CEP44: variants seen among roughly 807,000 people sequenced by gnomAD.
CEP44 encodes the protein centrosomal protein 44.
Under a neutral mutation model 46.7 loss-of-function variants are expected in CEP44, and 45 were observed. The observed-to-expected ratio is 0.96, with a 90% CI of 0.76 to 1.24. The LOEUF (loss-of-function observed/expected upper bound fraction) is 1.24. CEP44 is among the 50% of genes most tolerant of loss of function. CEP44 has a pLI of 0.00. For missense variants in CEP44, 475 were observed against 459.7 expected, an observed-to-expected ratio of 1.03 and a Z score of -0.30; for synonymous variants, 142 against 146.0, an observed-to-expected ratio of 0.97 and a Z score of 0.20.
At position 174,287,179 on chromosome 4, in the gene CEP44, C is replaced by A. The variant is rs976932525; in HGVS notation, c.-148+3236C>A. Among the ~76,000 whole-genome samples the A allele has an allele frequency of 1.3e-5, 2 of 151,980 alleles. No homozygotes were observed. The highest frequency in any genetic ancestry group is 2.9e-5 in the Non-Finnish European group (2 of 67,994). On this transcript the variant is annotated intron_variant, in intron 1 of 11. Coordinates refer to ENST00000503780, the MANE Select transcript of CEP44 (RefSeq NM_001040157.3). The surrounding 1 kb of genome is among the most constrained non-coding windows in gnomAD (Gnocchi z 5.1). ...ATTGGGATATAGGTCGTTATGGGAC[C>A]CCAGGTAGTAACCCAGCTCATTCTG... is the stretch of plus-strand genomic sequence containing the variant.
At chr4:174,304,977 TA>T (rs1740212054) in intron 6 of CEP44, among the ~76,000 whole-genome samples, 1 of 152,228 alleles carries the variant, frequency 6.6e-6, no homozygotes, top group Non-Finnish European at 1.5e-5. Context: ...TATTATTTAT[TA>T]ATATATTTTC....
intron 3 of CEP44, among the ~76,000 whole-genome samples, chr4:174,300,016 TCCCC>T (rs765974324): frequency 3.3e-4 from 50 of 152,206 alleles, no homozygotes; most frequent in Admixed American, 2.6e-3. Flanking sequence ...CACTGTGGAA[TCCCC>T]CCATCTAGAA....
At chr4:174,308,611 C>T in intron 6 of CEP44, 78 bp from the exon 7 acceptor site, 1 of 1,431,528 alleles carries the variant, frequency 7.0e-7, no homozygotes, top group Non-Finnish European at 9.5e-7. Context: ...ACATGGACCC[C>T]TGAACTTAAA....
intron 1 of CEP44, among the ~76,000 whole-genome samples, chr4:174,294,903 G>A (rs1738737660): frequency 7.5e-6 from 1 of 133,906 alleles, no homozygotes; most frequent in South Asian, 2.4e-4. Flanking sequence ...GGGCAGATGG[G>A]CTCCTCACTT....
At chr4:174,298,550 C>T (rs573582014) in intron 2 of CEP44, among the ~76,000 whole-genome samples, 1 of 152,204 alleles carries the variant, frequency 6.6e-6, no homozygotes, top group African/African-American at 2.4e-5. Context: ...TTTAATCTGT[C>T]ATATTTATCC....
intron 1 of CEP44, among the ~76,000 whole-genome samples, chr4:174,294,878 A>C: frequency 8.8e-6 from 1 of 113,648 alleles, no homozygotes; most frequent in Non-Finnish European, 1.8e-5. Flanking sequence ...TCCCTCCCGG[A>C]CGGGGCGGCT....
At chr4:174,306,802 A>G (rs1032029012) in intron 6 of CEP44, among the ~76,000 whole-genome samples, 16 of 152,052 alleles carry the variant, frequency 1.1e-4, no homozygotes, top group Non-Finnish European at 2.4e-4. Flanking sequence ...ATTGCTAGCA[A>G]TCTTATCTAC....
At position 174,319,035 on chromosome 4, in the gene CEP44, G is replaced by A. The variant is rs942466410; in HGVS notation, c.*1652G>A. On this transcript the variant is annotated 3_prime_UTR_variant, in exon 12 of 12. Coordinates refer to ENST00000503780, the MANE Select transcript of CEP44 (RefSeq NM_001040157.3). ...TGTTGCCCAGTCTGTTCTCAAACTC[G>A]TGAGCTAAAGCTACTCGCCCACCTG... 21 of 518,832 alleles carry A rather than the reference G, an allele frequency of 4.0e-5. No individual in the cohort carries two copies. The highest frequency in any genetic ancestry group is 3.1e-4 in the African/African-American group (15 of 47,832). The allele number at this position is 518,832 out of a possible 1,614,324, so 32.1% of individuals were successfully genotyped here. A position where few individuals can be genotyped will look rare whatever the true frequency, so the allele number is the denominator to read the frequency against.
In CEP44 at chr4:174,317,562, G is replaced by T; in HGVS notation, c.*179G>T. 8.7e-7 allele frequency: 1 copy of T among 1,153,196 alleles called. No individual in the cohort carries two copies. The highest frequency in any genetic ancestry group is 1.1e-6 in the Non-Finnish European group (1 of 931,538). 71.4% of individuals were successfully genotyped at this position (1,153,196 alleles called of 1,614,324 possible). A position where few individuals can be genotyped will look rare whatever the true frequency, so the allele number is the denominator to read the frequency against. On this transcript the variant is annotated 3_prime_UTR_variant, in exon 12 of 12. Coordinates refer to ENST00000503780, the MANE Select transcript of CEP44 (RefSeq NM_001040157.3). ...AACTCTTTTAATATTTTTGAGCAATGATTATACTGCTTTACCTTGTGTCAC... is the reference window on the plus strand; with the variant it reads ...AACTCTTTTAATATTTTTGAGCAATTATTATACTGCTTTACCTTGTGTCAC...
chr4:174,322,173 T>C (rs1393000899), downstream of CEP44, among the ~76,000 whole-genome samples: 1 of 152,094 alleles, frequency 6.6e-6, no homozygotes, highest in Non-Finnish European at 1.5e-5. Flanking sequence ...AGTAGAAAAA[T>C]GTTTAAAGTT....
rs1487050099 is a variant in CEP44 at position 174,310,210 on chromosome 4, C to T, written c.885+154C>T. On this transcript the variant is annotated intron_variant, in intron 8 of 11. Transcript: ENST00000503780. The surrounding 1 kb of genome is among the most constrained non-coding windows in gnomAD (Gnocchi z 4.2). Reference sequence around the variant, plus strand: ...GAATGAAGTCCTGTTTAAATATAGCCTGTATGTTGTTGTGGCTGTTGTTTC... The same window carrying T: ...GAATGAAGTCCTGTTTAAATATAGCTTGTATGTTGTTGTGGCTGTTGTTTC... 6.6e-6 allele frequency among the ~76,000 whole-genome samples: 1 copy of T among 151,664 alleles called. No homozygotes were observed. The highest frequency in any genetic ancestry group is 1.5e-5 in the Non-Finnish European group (1 of 67,860).
At position 174,295,017 on chromosome 4, in the gene CEP44, G is replaced by C. The variant is rs527799173; in HGVS notation, c.-147-2949G>C. 1.6e-4 allele frequency among the ~76,000 whole-genome samples: 22 copies of C among 139,604 alleles called. No individual in the cohort carries two copies. The South Asian group carries it at 4.4e-3, about 28-fold the overall frequency. 91.6% of individuals were successfully genotyped at this position (139,604 alleles called of 152,430 possible). On this transcript the variant is annotated intron_variant, in intron 1 of 11. Transcript: ENST00000503780. ...ACCTCCCTCCCGGATGGGACGGCTGGCCAGGCGGGGGGCTGACCCCCCCAC... is the reference window on the plus strand; with the variant it reads ...ACCTCCCTCCCGGATGGGACGGCTGCCCAGGCGGGGGGCTGACCCCCCCAC...
chr4:174,293,039 G>C (rs767382841), intron 1 of CEP44, among the ~76,000 whole-genome samples: 1 of 152,186 alleles, frequency 6.6e-6, no homozygotes, highest in Non-Finnish European at 1.5e-5. Context: ...ATCTTCTCTT[G>C]CTGGGTCCCT....
chr4:174,322,913 T>G (rs1383042937), downstream of CEP44, among the ~76,000 whole-genome samples: 1 of 152,176 alleles, frequency 6.6e-6, no homozygotes, highest in Non-Finnish European at 1.5e-5. Flanking sequence ...AGTTTCTCCA[T>G]ACTTTAAGCA....
intron 2 of CEP44, among the ~76,000 whole-genome samples, chr4:174,298,320 C>A (rs1013776628): frequency 1.3e-5 from 2 of 150,744 alleles, no homozygotes; most frequent in African/African-American, 4.9e-5. Context: ...GGACTACAGG[C>A]GCCTGCCACT....
rs1281182648 is a variant in CEP44, at chr4:174,286,399, A to G, written c.-148+2456A>G. ...ACACTAACCCAGCTTCACCTGATTT[A>G]TGAATTGTTCTGTTTTCATTTTAAT... On this transcript the variant is annotated intron_variant, in intron 1 of 11. Coordinates refer to ENST00000503780, the MANE Select transcript of CEP44 (RefSeq NM_001040157.3). The surrounding 1 kb of genome is among the most constrained non-coding windows in gnomAD (Gnocchi z 5.2). 6.6e-6 allele frequency among the ~76,000 whole-genome samples: 1 copy of G among 152,230 alleles called. No homozygotes were observed. The highest frequency in any genetic ancestry group is 1.5e-5 in the Non-Finnish European group (1 of 68,024).
In CEP44 at chr4:174,286,264, T is replaced by G. The variant is rs74779358; in HGVS notation, c.-148+2321T>G. Among the ~76,000 whole-genome samples, 1,288 of 152,266 alleles carry G rather than the reference T, an allele frequency of 8.5e-3. 20 individuals carry two copies. The highest frequency in any genetic ancestry group is 0.03 in the African/African-American group (1,238 of 41,554). On this transcript the variant is annotated intron_variant, in intron 1 of 11. Coordinates refer to ENST00000503780, the MANE Select transcript of CEP44 (RefSeq NM_001040157.3). This position sits in a 1 kb window ranked among gnomAD's most constrained non-coding sequence, Gnocchi z 5.2. ...AGGAAGCTTACTAAATTTAGGATTT[T>G]GTAAATCGGTGACCTTCTTACCTTT...
chr4:174,327,116 A>T (rs995964177), intron 8 of CEP44, among the ~76,000 whole-genome samples: 1 of 150,076 alleles, frequency 6.7e-6, no homozygotes, highest in African/African-American at 2.4e-5. Context: ...ATATGTATAT[A>T]TATATCTACA....
chr4:174,321,987 A>G (rs191143854), downstream of CEP44, among the ~76,000 whole-genome samples: 1 of 152,232 alleles, frequency 6.6e-6, no homozygotes, highest in Admixed American at 6.5e-5. Context: ...CTGTTTAAGT[A>G]AGCTTTGATT....
Sources: allele counts gnomAD v4.1 joint callset (sites outside exome capture counted in the v4.1 genomes callset), GRCh38; gene constraint gnomAD v4.1.1; non-coding constraint Gnocchi (gnomAD v3.1); transcripts MANE v1.5; gene names NCBI Gene and HGNC (gene_info 2026-07-23, HGNC 2026-07-21).